The following NDEL1 variants were observed in gnomAD, a reference collection of about 807,000 sequenced individuals.
NDEL1 encodes the protein nudE neurodevelopment protein 1 like 1.
NDEL1 carries 9 observed loss-of-function variants against 45.7 expected under a neutral mutation model. The ratio of observed to expected loss-of-function variants is 0.20; its 90% CI spans 0.12 to 0.34. The LOEUF is 0.34. Among genes scored for constraint, NDEL1 ranks in the 10% least tolerant of loss-of-function variants. NDEL1 has a pLI of 1.00. For missense variants in NDEL1, 306 were observed against 406.2 expected (o/e 0.75, Z 2.12); for synonymous variants, 133 against 158.6 (o/e 0.84, Z 1.21).
At chr17:8,435,842 C>T (rs1490524646), upstream of NDEL1, 1 of 446,162 alleles carries the variant, frequency 2.2e-6, no homozygotes, top group Non-Finnish European at 4.5e-6. Flanking sequence ...ATGCTCCGAG[C>T]CCCGCCCCCG....
intron 2 of NDEL1, chr17:8,445,169 A>C (rs1373060724): frequency 6.6e-6 from 1 of 152,218 alleles, no homozygotes. Flanking sequence ...AAAGAAAATC[A>C]ATTATATTGA....
At chr17:8,418,719 C>G (rs1417535022) in intron 1 of NDEL1, among the ~76,000 whole-genome samples, 2 of 150,096 alleles carry the variant, frequency 1.3e-5, no homozygotes, top group African/African-American at 2.5e-5. Flanking sequence ...CTCTCTCTCT[C>G]TCTCTTTCCT....
upstream of NDEL1, among the ~76,000 whole-genome samples, chr17:8,432,586 G>A (rs565451743): frequency 3.3e-5 from 5 of 151,266 alleles, no homozygotes; most frequent in Non-Finnish European, 5.9e-5. Flanking sequence ...GGTTTTCACC[G>A]TGTTAGCCAG....
At chr17:8,455,191 C>T (rs1471329036) in intron 7 of NDEL1, among the ~76,000 whole-genome samples, 1 of 152,224 alleles carries the variant, frequency 6.6e-6, no homozygotes, top group African/African-American at 2.4e-5. Flanking sequence ...TGCTGTGTGT[C>T]TTCTACCACC....
At chr17:8,439,176 G>A (rs1325696672) in intron 1 of NDEL1, among the ~76,000 whole-genome samples, 3 of 151,108 alleles carry the variant, frequency 2.0e-5, no homozygotes, top group Admixed American at 6.6e-5. Context: ...TCCTGACCTC[G>A]TGATCCGCCC....
chr17:8,449,272 C>T (rs781344327), intron 5 of NDEL1, among the ~76,000 whole-genome samples: 14 of 152,178 alleles, frequency 9.2e-5, no homozygotes, highest in South Asian at 6.2e-4. Flanking sequence ...TGAGCCACCG[C>T]GCCTGGCCCC....
At chr17:8,442,777 C>CTT (rs34963430) in intron 1 of NDEL1, among the ~76,000 whole-genome samples, 1 of 84,118 alleles carries the variant, frequency 1.2e-5, no homozygotes, top group African/African-American at 4.8e-5. Context: ...TATTTATTTA[C>CTT]TTTTTTTTTT....
chr17:8,432,324 T>TATAA (rs1909021994), upstream of NDEL1, among the ~76,000 whole-genome samples: 1 of 115,164 alleles, frequency 8.7e-6, no homozygotes, highest in African/African-American at 2.9e-5. Context: ...TATATTTATA[T>TATAA]ATAAATATAT....
chr17:8,425,319 A>C (rs1291238810), intron 1 of NDEL1, among the ~76,000 whole-genome samples: 1 of 152,274 alleles, frequency 6.6e-6, no homozygotes, highest in Non-Finnish European at 1.5e-5. Flanking sequence ...GCAGTGGCGC[A>C]TGCCTGTAAT....
upstream of NDEL1, among the ~76,000 whole-genome samples, chr17:8,434,899 G>A (rs1006046661): frequency 3.3e-5 from 5 of 151,972 alleles, no homozygotes; most frequent in African/African-American, 1.2e-4. Context: ...GTGAAACCCC[G>A]TCTCTACTAA....
At chr17:8,418,928 A>G (rs1315688198) in intron 1 of NDEL1, among the ~76,000 whole-genome samples, 1 of 151,622 alleles carries the variant, frequency 6.6e-6, no homozygotes, top group African/African-American at 2.4e-5. Flanking sequence ...GGTTCACTGC[A>G]GCATCAACCT....
At chr17:8,434,459 T>TGCCC (rs1277487096), upstream of NDEL1, among the ~76,000 whole-genome samples, 1 of 152,060 alleles carries the variant, frequency 6.6e-6, no homozygotes, top group Non-Finnish European at 1.5e-5. Flanking sequence ...TCAGGTGATT[T>TGCCC]GCCCGCCTCG....
chr17:8,466,687 G>C (rs188815349), intron 8 of NDEL1: 1 of 532,374 alleles, frequency 1.9e-6, no homozygotes, highest in African/African-American at 1.9e-5. Flanking sequence ...TGTGGCTTCC[G>C]TGGCCAGTGT....
rs1911686255 is a variant in NDEL1 at position 8,467,578 on chromosome 17, A to C, written c.*555A>C. ...AACATTTTCTGCACCTTCTGATTTT[A>C]CTTAAGCAGCTACCATTCCATGGAC... is the stretch of plus-strand genomic sequence containing the variant. On this transcript the variant is annotated 3_prime_UTR_variant, in exon 9 of 9. Transcript: ENST00000334527. The surrounding 1 kb of genome is among the most constrained non-coding windows in gnomAD (Gnocchi z 6.3). The C allele has an allele frequency of 5.3e-6, 1 of 190,396 alleles. No homozygotes were observed. The highest frequency in any genetic ancestry group is 1.1e-5 in the Non-Finnish European group (1 of 93,376). 11.8% of individuals were successfully genotyped at this position (190,396 alleles called of 1,614,324 possible).
At chr17:8,458,693 AAAG>A (rs1337540081) in intron 7 of NDEL1, among the ~76,000 whole-genome samples, 6 of 152,092 alleles carry the variant, frequency 3.9e-5, no homozygotes, top group Admixed American at 3.9e-4. Context: ...TTGTCATAGG[AAAG>A]AAGGAGAAGA....
chr17:8,442,777 C>CTTTTTT (rs34963430), intron 1 of NDEL1, among the ~76,000 whole-genome samples: 2 of 84,152 alleles, frequency 2.4e-5, no homozygotes, highest in African/African-American at 4.8e-5. Flanking sequence ...TATTTATTTA[C>CTTTTTT]TTTTTTTTTT....
intron 1 of NDEL1, among the ~76,000 whole-genome samples, chr17:8,443,653 A>G (rs1303241469): frequency 6.6e-6 from 1 of 152,056 alleles, no homozygotes; most frequent in Non-Finnish European, 1.5e-5. Flanking sequence ...GCCTTGGGAG[A>G]GAAGAACCAG....
chr17:8,445,748 G>A lies in NDEL1; in HGVS notation c.124G>A (p.Glu42Lys). ...EARDELVEFQ[E>K]GSRELEAELE... ...TCGGGATGAGCTAGTTGAATTCCAG[G>A]AAGGAAGCAGAGAATTAGAAGCAGA... The change falls in exon 3 of 9, where the codon GAA becomes AAA. Residue 42 changes from glutamate (E) to lysine (K), a missense_variant. Glu to Lys is a moderately conservative substitution (Grantham distance 56). Around this residue, in one of 3 missense-constraint regions of NDEL1, gnomAD observed 112 missense variants for 148.3 expected, o/e 0.76. Transcript: ENST00000334527. 1 of 1,599,830 alleles carries A rather than the reference G, an allele frequency of 6.3e-7. No homozygotes were observed. The highest frequency in any genetic ancestry group is 8.5e-7 in the Non-Finnish European group (1 of 1,175,094).
intron 1 of NDEL1, among the ~76,000 whole-genome samples, chr17:8,439,002 C>T (rs1454031071): frequency 3.3e-5 from 5 of 149,862 alleles, no homozygotes; most frequent in African/African-American, 4.9e-5. Context: ...AGTGCGGTCG[C>T]GCGCTCTCGG....
Sources: allele counts gnomAD v4.1 joint callset (sites outside exome capture counted in the v4.1 genomes callset), GRCh38; gene constraint gnomAD v4.1.1; regional missense constraint gnomAD v4.1.1; non-coding constraint Gnocchi (gnomAD v3.1); transcripts MANE v1.5; gene names NCBI Gene and HGNC (gene_info 2026-07-23, HGNC 2026-07-21).